The following CNKSR3 variants were observed in gnomAD, a reference collection of about 807,000 sequenced individuals.
The protein encoded by CNKSR3 is CNKSR family member 3.
In CNKSR3, 36 loss-of-function variants were observed where a neutral mutation model predicts 67.7. That is an observed-to-expected ratio of 0.53 (90% CI 0.41 to 0.70). The LOEUF (loss-of-function observed/expected upper bound fraction) is 0.70, where lower values mean the gene tolerates loss of function less well. CNKSR3 is among the 30% of genes least tolerant of loss of function. CNKSR3 has a pLI of 0.00. For missense variants in CNKSR3, 630 were observed against 695.2 expected (o/e 0.91, Z 1.05); for synonymous variants, 281 against 271.4 (o/e 1.04, Z -0.35).
Position 154,411,070 on chromosome 6 carries a change from T to G in CNKSR3, c.1143A>C (p.Ser381=). The part of the protein sequence containing the change: ...CKQPLPGPKG[S]ESPNSFLDQE... ...GGTCCAAGAAGGAATTCGGGGACTC[T>G]GAACCCTTAGGACCAGGCAATGGTT... The change falls in exon 11 of 13, where the codon TCA becomes TCC. Residue 381 remains serine (S), a synonymous_variant. Transcript: ENST00000607772. 6.2e-7 allele frequency: 1 copy of G among 1,614,156 alleles called. No homozygotes were observed. The highest frequency in any genetic ancestry group is 8.5e-7 in the Non-Finnish European group (1 of 1,179,986).
At chr6:154,509,231 G>A (rs1787162836) in intron 1 of CNKSR3, among the ~76,000 whole-genome samples, 1 of 151,944 alleles carries the variant, frequency 6.6e-6, no homozygotes, top group African/African-American at 2.4e-5. Context: ...CCTTTCCCTC[G>A]AAATCGTAGG....
chr6:154,473,442 G>C (rs1046846594), intron 1 of CNKSR3, among the ~76,000 whole-genome samples: 2 of 152,168 alleles, frequency 1.3e-5, no homozygotes, highest in African/African-American at 4.8e-5. Context: ...GAGTGACCTG[G>C]AAAGTGGTTG....
rs1433141264 is a variant in CNKSR3, at chr6:154,389,331, A to T, written c.*17023T>A. 1 of 152,360 alleles carries T rather than the reference A, an allele frequency of 6.6e-6. No individual in the cohort carries two copies. The highest frequency in any genetic ancestry group is 2.4e-5 in the African/African-American group (1 of 41,424). 9.4% of individuals were successfully genotyped at this position (152,360 alleles called of 1,614,324 possible). On this transcript the variant is annotated 3_prime_UTR_variant, in exon 13 of 13. Coordinates refer to ENST00000607772, the MANE Select transcript of CNKSR3 (RefSeq NM_173515.4). ...ATGGATATCTGATTTTCTCAATACC[A>T]TGTGTTGAAGAGACTATCCTTTCCC... is the stretch of plus-strand genomic sequence containing the variant.
Position 154,406,376 on chromosome 6 carries a change from C to T in CNKSR3, c.1646G>A (p.Arg549His), listed in dbSNP as rs757670075. The change falls in exon 13 of 13, where the codon CGC becomes CAC. Residue 549 changes from arginine to histidine, a missense_variant. By Grantham distance (29) the Arg-to-His change is conservative. Transcript: ENST00000607772. ...CTCTCAGTGAGTCAACAGTTTGAGG[C>T]GCGTAAACCAGCTGACCAGGAGGGA... is the stretch of plus-strand genomic sequence containing the variant. ...EPSLLVSWFT[R>H]LKLLTH 5.6e-6 allele frequency: 9 copies of T among 1,613,122 alleles called. No homozygotes were observed. Among genetic ancestry groups the T allele is most frequent in the Non-Finnish European group, 7.6e-6 (9 of 1,179,738 alleles).
chr6:154,435,603 C>T (rs1047463130), intron 4 of CNKSR3, among the ~76,000 whole-genome samples: 3 of 152,324 alleles, frequency 2.0e-5, no homozygotes, highest in Non-Finnish European at 2.9e-5. Flanking sequence ...CCATTCCTGC[C>T]GAGAGGAAGC....
At chr6:154,484,389 C>G (rs1290861017) in intron 1 of CNKSR3, among the ~76,000 whole-genome samples, 1 of 152,144 alleles carries the variant, frequency 6.6e-6, no homozygotes, top group Non-Finnish European at 1.5e-5. Flanking sequence ...AGCACTGCCT[C>G]ATACCCAGTA....
intron 10 of CNKSR3, among the ~76,000 whole-genome samples, chr6:154,412,735 C>T (rs1162030982): frequency 6.6e-6 from 1 of 152,108 alleles, no homozygotes; most frequent in South Asian, 2.1e-4. Context: ...GAAGCAAATA[C>T]CTCAGCTTCA....
chr6:154,500,256 AACACACAC>A (rs5881088), intron 1 of CNKSR3, among the ~76,000 whole-genome samples: 18 of 147,322 alleles, frequency 1.2e-4, no homozygotes, highest in Admixed American at 2.7e-4. Context: ...TAAAATTAGA[AACACACAC>A]ACACACACAC....
chr6:154,505,674 T>G (rs563821063), intron 1 of CNKSR3, among the ~76,000 whole-genome samples: 301 of 151,044 alleles, frequency 2.0e-3, no homozygotes, highest in African/African-American at 6.9e-3. Flanking sequence ...ATTTTTTTTG[T>G]ATTTTTTAGT....
At chr6:154,408,996 A>G (rs1784856493) in intron 12 of CNKSR3, among the ~76,000 whole-genome samples, 1 of 152,220 alleles carries the variant, frequency 6.6e-6, no homozygotes, top group African/African-American at 2.4e-5. Context: ...GGCAAGGAAG[A>G]TGTTAACGTG....
At chr6:154,429,678 GA>G (rs1297526861) in intron 6 of CNKSR3, among the ~76,000 whole-genome samples, 1 of 152,006 alleles carries the variant, frequency 6.6e-6, no homozygotes, top group East Asian at 1.9e-4. Flanking sequence ...AACAGCTCCT[GA>G]CAGCTACCTA....
intron 1 of CNKSR3, among the ~76,000 whole-genome samples, chr6:154,497,479 C>T (rs74519223): frequency 7.2e-4 from 109 of 152,284 alleles, no homozygotes; most frequent in Non-Finnish European, 1.4e-3. Flanking sequence ...AGCTTCCGGA[C>T]ACGGATTTCA....
intron 1 of CNKSR3, among the ~76,000 whole-genome samples, chr6:154,470,239 T>C (rs1013345688): frequency 1.5e-5 from 2 of 137,264 alleles, no homozygotes; most frequent in African/African-American, 5.6e-5. Context: ...CTCACTCCAT[T>C]GCCCAGGCTG....
Position 154,488,098 on chromosome 6 carries a change from A to C in CNKSR3, c.52+21965T>G, listed in dbSNP as rs1044163385. On this transcript the variant is annotated intron_variant, in intron 1 of 12. Coordinates refer to ENST00000607772, the MANE Select transcript of CNKSR3 (RefSeq NM_173515.4). ...GCAAACAAAACTAGCAATAACAACG[A>C]TAAGATCTAAACTATGCAATCTGCT... Among the ~76,000 whole-genome samples, 6 of 152,366 alleles carry C rather than the reference A, an allele frequency of 3.9e-5. No homozygotes were observed. The East Asian group carries it at 1.2e-3, about 29-fold the overall frequency.
At chr6:154,437,128 G>T (rs1785487266) in intron 4 of CNKSR3, among the ~76,000 whole-genome samples, 1 of 152,052 alleles carries the variant, frequency 6.6e-6, no homozygotes, top group Non-Finnish European at 1.5e-5. Flanking sequence ...GACAGAACAT[G>T]TTCTTTGTCA....
At chr6:154,477,662 G>T (rs1003854307) in intron 1 of CNKSR3, among the ~76,000 whole-genome samples, 1 of 152,068 alleles carries the variant, frequency 6.6e-6, no homozygotes, top group African/African-American at 2.4e-5. Flanking sequence ...GTCACTGATG[G>T]AATGACATTG....
In CNKSR3 at chr6:154,450,237, T is replaced by C; in HGVS notation, c.74A>G (p.Gln25Arg). The stretch of plus-strand genomic sequence containing the variant: ...CTCTCGTTCAAACTTGTGGACATAT[T>C]GTTGCAGGCAGTCATCCAACCCTGC... ...WTRGLDDCLQQYVHKFEREKI... is the reference protein window; with the variant it reads ...WTRGLDDCLQRYVHKFEREKI... The change falls in exon 2 of 13, where the codon CAA becomes CGA. Residue 25 changes from glutamine to arginine, a missense_variant. Transcript: ENST00000607772. 1.2e-6 allele frequency: 2 copies of C among 1,614,080 alleles called. No individual in the cohort carries two copies. The highest frequency in any genetic ancestry group is 2.2e-5 in the South Asian group (2 of 91,034).
At chr6:154,505,491 TTATTA>T (rs1787079175) in intron 1 of CNKSR3, among the ~76,000 whole-genome samples, 1 of 125,816 alleles carries the variant, frequency 7.9e-6, no homozygotes, top group Non-Finnish European at 1.6e-5. Context: ...TTTATTATTA[TTATTA>T]TTTTTTTTTT....
At chr6:154,485,953 G>A (rs1786657036) in intron 1 of CNKSR3, among the ~76,000 whole-genome samples, 1 of 152,170 alleles carries the variant, frequency 6.6e-6, no homozygotes, top group African/African-American at 2.4e-5. Context: ...GGGCTGTTCT[G>A]CCAGGACAAT....
Sources: allele counts gnomAD v4.1 joint callset (sites outside exome capture counted in the v4.1 genomes callset), GRCh38; gene constraint gnomAD v4.1.1; transcripts MANE v1.5; gene names NCBI Gene and HGNC (gene_info 2026-07-23, HGNC 2026-07-21).